Variants in ITGB6 observed in about 807,000 individuals in gnomAD.
ITGB6 encodes integrin subunit beta 6, also known as integrin beta-6.
Under a neutral mutation model 84.5 loss-of-function variants are expected in ITGB6, and 80 were observed. The observed-to-expected ratio is 0.95, with a 90% CI of 0.79 to 1.14. The LOEUF is 1.14. ITGB6 is among the 50% of genes most tolerant of loss of function. The probability of loss-of-function intolerance (pLI) is 0.00; values close to 1 mark genes in which losing one functional copy is unlikely to be tolerated. For synonymous variants in ITGB6, 383 were observed against 354.9 expected (o/e 1.08, Z -0.89); for missense variants, 1,006 against 968.0 (o/e 1.04, Z -0.52).
At chr2:160,119,698 G>A (rs1376164800) in intron 12 of ITGB6, among the ~76,000 whole-genome samples, 1 of 152,056 alleles carries the variant, frequency 6.6e-6, no homozygotes, top group Non-Finnish European at 1.5e-5. Context: ...CTTCTGCACA[G>A]CAAAAGAAAC....
intron 12 of ITGB6, among the ~76,000 whole-genome samples, chr2:160,118,621 G>C (rs993263958): frequency 1.1e-4 from 17 of 152,200 alleles, no homozygotes; most frequent in African/African-American, 3.6e-4. Flanking sequence ...GGGATGCCCT[G>C]TCTCACCACT....
rs191829644 is a variant in ITGB6 at position 160,155,388 on chromosome 2, A to G, written c.1018-13317T>C. Among the ~76,000 whole-genome samples, 98 of 152,332 alleles carry G rather than the reference A, an allele frequency of 6.4e-4. 1 individual carries two copies. In the East Asian group the frequency reaches 0.014, roughly 21 times the overall value. ...TGTACGATACTACAAAGGTGGATAC[A>G]TAATAATTGTACATAACTCATAAAG... On this transcript the variant is annotated intron_variant, in intron 7 of 14. Transcript: ENST00000283249.
At chr2:160,127,997 G>A (rs1183725789) in intron 10 of ITGB6, among the ~76,000 whole-genome samples, 1 of 152,130 alleles carries the variant, frequency 6.6e-6, no homozygotes, top group African/African-American at 2.4e-5. Flanking sequence ...TCACCAGTTA[G>A]ATGTCCCATA....
chr2:160,185,377 T>C (rs1031509201), intron 4 of ITGB6, among the ~76,000 whole-genome samples: 1 of 152,176 alleles, frequency 6.6e-6, no homozygotes, highest in Non-Finnish European at 1.5e-5. Context: ...CCATTCACAA[T>C]TGCTACAAAG....
At chr2:160,169,363 A>C (rs917330389) in intron 6 of ITGB6, 56 bp from the exon 7 acceptor site, 2 of 1,025,266 alleles carry the variant, frequency 2.0e-6, no homozygotes, top group Non-Finnish European at 2.9e-6. Flanking sequence ...TAAATAAAGA[A>C]AGGAATATTT....
In ITGB6 at chr2:160,195,300, G is replaced by A. The variant is rs548762667; in HGVS notation, c.593+69C>T. ...GGGAGTTAGCAAGCTCCTGGCAAGT[G>A]CAGCTCAGAGCGGGAGTATCTCCAC... is the stretch of plus-strand genomic sequence containing the variant. On this transcript the variant is annotated intron_variant, in intron 4 of 14. Transcript: ENST00000283249. 52 of 1,587,440 alleles carry A rather than the reference G, an allele frequency of 3.3e-5. No homozygotes were observed. In the East Asian group the frequency reaches 5.6e-4, roughly 17 times the overall value.
Position 160,100,872 on chromosome 2 carries a change from C to A in ITGB6, c.*864G>T, listed in dbSNP as rs1696690079. The A allele has an allele frequency of 6.6e-6, 1 of 152,024 alleles. No individual in the cohort carries two copies. Among genetic ancestry groups the A allele is most frequent in the Non-Finnish European group, 1.5e-5 (1 of 67,982 alleles). The allele number at this position is 152,024 out of a possible 1,614,324, so 9.4% of individuals were successfully genotyped here. On this transcript the variant is annotated 3_prime_UTR_variant, in exon 15 of 15. Coordinates refer to ENST00000283249, the MANE Select transcript of ITGB6 (RefSeq NM_000888.5). ...TGGATCGCTCTTTGAATAAACTAAG[C>A]ATTTAAAGTAATTTTTTTTTAAAAA...
intron 7 of ITGB6, among the ~76,000 whole-genome samples, chr2:160,157,129 G>T (rs1684653926): frequency 6.6e-6 from 1 of 152,104 alleles, no homozygotes; most frequent in Non-Finnish European, 1.5e-5. Flanking sequence ...TCCCTCAAGT[G>T]GCGGTGTCTC....
intron 6 of ITGB6, among the ~76,000 whole-genome samples, 178 bp downstream of exon 6, chr2:160,172,391 T>C (rs1440111708): frequency 1.3e-5 from 2 of 152,238 alleles, no homozygotes; most frequent in Non-Finnish European, 2.9e-5. Context: ...CGTCCACCTA[T>C]GCTCTGGTGG....
chr2:160,132,369 C>T lies in ITGB6; in HGVS notation c.1660+5065G>A, dbSNP rs182167125. 8.5e-5 allele frequency among the ~76,000 whole-genome samples: 13 copies of T among 152,244 alleles called. No individual in the cohort carries two copies. The East Asian group carries it at 2.5e-3, about 29-fold the overall frequency. ...TATTCTCAGAAGAACTTATTGGCTG[C>T]AACAGCAGCAGCAAAGAAATGAAAG... On this transcript the variant is annotated intron_variant, in intron 10 of 14. Transcript: ENST00000283249.
chr2:160,128,707 G>C (rs1179729504), intron 10 of ITGB6, among the ~76,000 whole-genome samples: 1 of 152,174 alleles, frequency 6.6e-6, no homozygotes, highest in Non-Finnish European at 1.5e-5. Flanking sequence ...TGACTAGACT[G>C]AGCAGCCAGA....
chr2:160,164,431 C>T (rs549702091), intron 7 of ITGB6, among the ~76,000 whole-genome samples: 1 of 152,178 alleles, frequency 6.6e-6, no homozygotes, highest in African/African-American at 2.4e-5. Context: ...GTGGCTCACA[C>T]CTGTAATCCC....
chr2:160,176,809 G>C (rs1312325761), intron 4 of ITGB6, among the ~76,000 whole-genome samples: 3 of 152,188 alleles, frequency 2.0e-5, no homozygotes, highest in African/African-American at 7.2e-5. Flanking sequence ...TTATATGAAA[G>C]TGTAAAGAAA....
In ITGB6 at chr2:160,107,781, G is replaced by C; in HGVS notation, c.2166C>G (p.Ile722Met). 6.2e-7 allele frequency: 1 copy of C among 1,613,838 alleles called. No individual in the cohort carries two copies. The highest frequency in any genetic ancestry group is 1.3e-5 in the African/African-American group (1 of 75,014). Residue 722 changes from isoleucine to methionine, a missense_variant, in exon 14 of 15, where the codon ATC becomes ATG. Physicochemically the swap from Ile to Met is conservative, Grantham distance 10. Transcript: ENST00000283249. ...MLGVSLAILL[I>M]GVVLLCIWKL... ...TCCAGATGCACAGTAGGACAACCCCGATGAGAAGAATAGCCAGGGAAACCC... is the reference window on the plus strand; with the variant it reads ...TCCAGATGCACAGTAGGACAACCCCCATGAGAAGAATAGCCAGGGAAACCC...
intron 7 of ITGB6, among the ~76,000 whole-genome samples, chr2:160,151,159 A>G (rs1231578776): frequency 6.6e-6 from 1 of 152,172 alleles, no homozygotes; most frequent in Non-Finnish European, 1.5e-5. Flanking sequence ...TCAGCACCAC[A>G]TTGCACTTCT....
At chr2:160,116,560 T>G (rs1377787884) in intron 12 of ITGB6, among the ~76,000 whole-genome samples, 1 of 152,156 alleles carries the variant, frequency 6.6e-6, no homozygotes, top group Non-Finnish European at 1.5e-5. Flanking sequence ...TGCAAAAACA[T>G]GCCAAAATGT....
At chr2:160,189,989 T>C (rs777267767) in intron 4 of ITGB6, among the ~76,000 whole-genome samples, 7 of 151,936 alleles carry the variant, frequency 4.6e-5, no homozygotes, top group Non-Finnish European at 8.8e-5. Context: ...ATTAAGAAAA[T>C]GTGGCACATA....
intron 2 of ITGB6, among the ~76,000 whole-genome samples, chr2:160,197,976 A>G (rs1559243894): frequency 6.6e-6 from 1 of 152,224 alleles, no homozygotes; most frequent in Non-Finnish European, 1.5e-5. Flanking sequence ...TTTGACAACA[A>G]TTTGGCTACC....
intron 12 of ITGB6, among the ~76,000 whole-genome samples, chr2:160,119,820 G>GA (rs977804055): frequency 4.6e-5 from 7 of 151,956 alleles, no homozygotes; most frequent in Middle Eastern, 6.8e-3. Flanking sequence ...AAATTTACAA[G>GA]AAAAAAACAA....
Sources: allele counts gnomAD v4.1 joint callset (sites outside exome capture counted in the v4.1 genomes callset), GRCh38; gene constraint gnomAD v4.1.1; transcripts MANE v1.5; gene names NCBI Gene and HGNC (gene_info 2026-07-23, HGNC 2026-07-21).